MRPL21: variants seen among roughly 807,000 people sequenced by gnomAD.
The protein encoded by MRPL21 is large ribosomal subunit protein bL21m.
MRPL21 carries 20 observed loss-of-function variants against 27.3 expected under a neutral mutation model. The observed-to-expected ratio is 0.73, with a 90% confidence interval of 0.52 to 1.06. MRPL21 has a LOEUF of 1.06. Among genes scored for constraint, MRPL21 ranks in the 50% least tolerant of loss-of-function variants. MRPL21 has a pLI of 0.00. For synonymous variants in MRPL21, 98 were observed against 101.5 expected, an observed-to-expected ratio of 0.97 and a Z score of 0.21; for missense variants, 249 against 251.4, an observed-to-expected ratio of 0.99 and a Z score of 0.06.
At chr11:68,897,109 T>G (rs1189519440) in intron 3 of MRPL21, among the ~76,000 whole-genome samples, 5 of 152,066 alleles carry the variant, frequency 3.3e-5, no homozygotes. Flanking sequence ...GGAGAGGACT[T>G]TGCAATGAGG....
In MRPL21 at chr11:68,896,794, C is replaced by G. The variant is rs551372133; in HGVS notation, c.233-116G>C. ...AGGGTGGACCTGACAGCCAGCACCC[C>G]TTGTGAGCACCTCACTGCTGGCGGC... is the stretch of plus-strand genomic sequence containing the variant. On this transcript the variant is annotated intron_variant, in intron 3 of 6. Coordinates refer to ENST00000362034, the MANE Select transcript of MRPL21 (RefSeq NM_181514.2). 14 of 1,361,126 alleles carry G rather than the reference C, an allele frequency of 1.0e-5. No individual in the cohort carries two copies. In the Admixed American group the frequency reaches 2.4e-4, roughly 23 times the overall value. 84.3% of individuals were successfully genotyped at this position (1,361,126 alleles called of 1,614,324 possible).
intron 1 of MRPL21, among the ~76,000 whole-genome samples, chr11:68,901,535 T>C (rs551722527): frequency 2.0e-5 from 3 of 152,334 alleles, no homozygotes; most frequent in Non-Finnish European, 4.4e-5. Context: ...TTACACACCA[T>C]AAAAACCACC....
Position 68,891,346 on chromosome 11 carries a change from A to G in MRPL21, c.603T>C (p.Ala201=). The G allele has an allele frequency of 6.2e-7, 1 of 1,614,060 alleles. No homozygotes were observed. Among genetic ancestry groups the G allele is most frequent in the Non-Finnish European group, 8.5e-7 (1 of 1,179,992 alleles). The change falls in exon 7 of 7, where the codon GCT becomes GCC. Residue 201 remains alanine (A), a synonymous_variant. Coordinates refer to ENST00000362034, the MANE Select transcript of MRPL21 (RefSeq NM_181514.2). ...TVLRINSIEI[A]PCLL ...AACTCGGTAATCACAACAAACACGG[A>G]GCAATCTCAATGCTGTTTATCCGGA...
At chr11:68,903,638 G>A (rs1858034987) in intron 1 of MRPL21, 85 bp downstream of exon 1, 1 of 1,414,102 alleles carries the variant, frequency 7.1e-7, no homozygotes, top group African/African-American at 1.4e-5. Context: ...AAGGCACCAG[G>A]TCGGACCCAG....
Position 68,900,568 on chromosome 11 carries a change from C to T in MRPL21, c.126G>A (p.Gln42=). The change falls in exon 2 of 7, where the codon CAG becomes CAA. Residue 42 remains glutamine, a synonymous_variant. Coordinates refer to ENST00000362034, the MANE Select transcript of MRPL21 (RefSeq NM_181514.2). ...LWSASRRFNS[Q]STSYLPGYVP... ...ATTACCCTGGTAGATATGAAGTGCTCTGTGAATTGAACCTTCGAGAAGCAG... is the reference window on the plus strand; with the variant it reads ...ATTACCCTGGTAGATATGAAGTGCTTTGTGAATTGAACCTTCGAGAAGCAG... 6.2e-7 allele frequency: 1 copy of T among 1,613,934 alleles called. No individual in the cohort carries two copies. The highest frequency in any genetic ancestry group is 1.1e-5 in the South Asian group (1 of 91,058).
chr11:68,894,687 A>C (rs1004019825), intron 4 of MRPL21, among the ~76,000 whole-genome samples: 1 of 152,246 alleles, frequency 6.6e-6, no homozygotes. Context: ...ATCATATAAC[A>C]AACTCAGCGG....
intron 6 of MRPL21, chr11:68,891,992 C>T: frequency 2.1e-6 from 2 of 944,724 alleles, no homozygotes; most frequent in Non-Finnish European, 2.9e-6. Context: ...CTTGCGGATT[C>T]ACTGCTGCTT....
At chr11:68,891,977 A>T in intron 6 of MRPL21, 1 of 845,652 alleles carries the variant, frequency 1.2e-6, no homozygotes, top group Non-Finnish European at 1.7e-6. Context: ...ACAGCCCTAC[A>T]CCTGCTTGCG....
chr11:68,896,371 CA>C (rs1857787331), intron 4 of MRPL21, 143 bp downstream of exon 4: 1 of 1,119,554 alleles, frequency 8.9e-7, no homozygotes, highest in Non-Finnish European at 1.3e-6. Context: ...GGGCGCCCCC[CA>C]AAGTCCCTTC....
Position 68,891,359 on chromosome 11 carries a change from C to G in MRPL21, c.590G>C (p.Ser197Thr), listed in dbSNP as rs780865180. The stretch of plus-strand genomic sequence containing the variant: ...CAACAAACACGGAGCAATCTCAATG[C>G]TGTTTATCCGGAGGACAGTCTGCGG... ...TTPQTVLRIN[S>T]IEIAPCLL The change falls in exon 7 of 7, where the codon AGC (serine) becomes ACC (threonine). Residue 197 changes from serine to threonine, a missense_variant. By Grantham distance (58) the Ser-to-Thr change is moderately conservative (BLOSUM62 1). Coordinates refer to ENST00000362034, the MANE Select transcript of MRPL21 (RefSeq NM_181514.2). The G allele has an allele frequency of 1.2e-6, 2 of 1,614,086 alleles. No individual in the cohort carries two copies. The highest frequency in any genetic ancestry group is 1.7e-6 in the Non-Finnish European group (2 of 1,180,018).
chr11:68,893,481 A>T, intron 4 of MRPL21, 26 bp from the exon 5 acceptor site: 1 of 1,614,226 alleles, frequency 6.2e-7, no homozygotes, highest in Non-Finnish European at 8.5e-7. Flanking sequence ...GGTGTGTTTC[A>T]TCAGTGGCTC....
At chr11:68,895,437 G>T (rs1308552922) in intron 4 of MRPL21, among the ~76,000 whole-genome samples, 1 of 152,046 alleles carries the variant, frequency 6.6e-6, no homozygotes, top group Non-Finnish European at 1.5e-5. Flanking sequence ...ATCACCTGAG[G>T]TCAGGAGTTC....
Position 68,898,891 on chromosome 11 carries a change from G to A in MRPL21, c.147-879C>T, listed in dbSNP as rs79558985. 3.4e-4 allele frequency among the ~76,000 whole-genome samples: 52 copies of A among 152,282 alleles called. No individual in the cohort carries two copies. In the East Asian group the frequency reaches 9.6e-3, roughly 28 times the overall value. ...CAACCTCTGCCTCCAGGGTTCCAGCGATTCTCCTGCCTCAGTCACCTTAGT... is the reference window on the plus strand; with the variant it reads ...CAACCTCTGCCTCCAGGGTTCCAGCAATTCTCCTGCCTCAGTCACCTTAGT... On this transcript the variant is annotated intron_variant, in intron 2 of 6. Transcript: ENST00000362034.
At chr11:68,896,814 G>T in intron 3 of MRPL21, 136 bp from the exon 4 acceptor site, 1 of 1,170,082 alleles carries the variant, frequency 8.5e-7, no homozygotes, top group Non-Finnish European at 1.2e-6. Context: ...CCTCACTGCT[G>T]GCGGCCCAGC....
intron 2 of MRPL21, 41 bp downstream of exon 2, chr11:68,900,507 T>G: frequency 1.9e-6 from 3 of 1,566,788 alleles, no homozygotes; most frequent in African/African-American, 1.4e-5. Context: ...GTTCTACAAA[T>G]GAAAGGAAAA....
Position 68,903,607 on chromosome 11 carries a change from C to A in MRPL21, c.88+116G>T, listed in dbSNP as rs1032781675. Reference sequence around the variant, plus strand: ...GACTCCAAAACCCGTGCTATATTCACCACAAATGCGATCAACACACAAGGC... The same window carrying A: ...GACTCCAAAACCCGTGCTATATTCAACACAAATGCGATCAACACACAAGGC... On this transcript the variant is annotated intron_variant, in intron 1 of 6. Transcript: ENST00000362034. 3.7e-6 allele frequency: 4 copies of A among 1,092,750 alleles called. No individual in the cohort carries two copies. The African/African-American group carries it at 6.2e-5, about 17-fold the overall frequency. The allele number at this position is 1,092,750 out of a possible 1,614,324, so 67.7% of individuals were successfully genotyped here.
At chr11:68,894,696 G>A (rs1857743752) in intron 4 of MRPL21, among the ~76,000 whole-genome samples, 1 of 152,178 alleles carries the variant, frequency 6.6e-6, no homozygotes, top group Non-Finnish European at 1.5e-5. Flanking sequence ...CAAACTCAGC[G>A]GACACGCATG....
chr11:68,896,198 A>G (rs1326495824), intron 4 of MRPL21, among the ~76,000 whole-genome samples: 1 of 152,158 alleles, frequency 6.6e-6, no homozygotes, highest in Admixed American at 6.5e-5. Context: ...GCATTTTTCT[A>G]TGGGAATATA....
At chr11:68,893,924 C>A (rs114286286) in intron 4 of MRPL21, among the ~76,000 whole-genome samples, 2,296 of 152,136 alleles carry the variant, frequency 0.015, 53 homozygotes, top group African/African-American at 0.053. Context: ...AATACAAAAA[C>A]TTAGCTGGGC....
Sources: allele counts gnomAD v4.1 joint callset (sites outside exome capture counted in the v4.1 genomes callset), GRCh38; gene constraint gnomAD v4.1.1; transcripts MANE v1.5; gene names NCBI Gene and HGNC (gene_info 2026-07-23, HGNC 2026-07-21).